The following SLC22A2 variants were observed in gnomAD, a reference collection of about 807,000 sequenced individuals.
The protein encoded by SLC22A2 is solute carrier family 22 member 2, also known as organic cation transporter 2.
SLC22A2 carries 46 observed loss-of-function variants against 60.5 expected under a neutral mutation model. The ratio of observed to expected loss-of-function variants is 0.76; its 90% confidence interval spans 0.60 to 0.97. The LOEUF is 0.97. SLC22A2 is among the 50% of genes least tolerant of loss of function. The pLI is 0.00. For missense variants in SLC22A2, 701 were observed against 706.6 expected (o/e 0.99, Z 0.09); for synonymous variants, 303 against 267.0 (o/e 1.13, Z -1.31).
At chr6:160,232,580 A>AG (rs1042922111) in intron 9 of SLC22A2, among the ~76,000 whole-genome samples, 1 of 151,508 alleles carries the variant, frequency 6.6e-6, no homozygotes, top group African/African-American at 2.4e-5. Context: ...CTTTAAAAAA[A>AG]AAACATTTCT....
chr6:160,243,303 G>A lies in SLC22A2; in HGVS notation c.1279+269C>T, dbSNP rs576166090. 2.0e-5 allele frequency among the ~76,000 whole-genome samples: 3 copies of A among 152,228 alleles called. No individual in the cohort carries two copies. The East Asian group carries it at 5.8e-4, about 29-fold the overall frequency. On this transcript the variant is annotated intron_variant, in intron 7 of 10. Coordinates refer to ENST00000366953, the MANE Select transcript of SLC22A2 (RefSeq NM_003058.4). ...TGGGCCTGCTTTACCCAAGGCCCAT[G>A]CTCTCTGCTCCAGGTCATCTTGATG...
At chr6:160,235,320 A>T (rs1782892995) in intron 9 of SLC22A2, among the ~76,000 whole-genome samples, 1 of 151,224 alleles carries the variant, frequency 6.6e-6, no homozygotes, top group Non-Finnish European at 1.5e-5. Flanking sequence ...TTATGGGGAG[A>T]TCCTCAGCTC....
chr6:160,228,785 C>T (rs992314521), intron 9 of SLC22A2, among the ~76,000 whole-genome samples: 5 of 151,884 alleles, frequency 3.3e-5, no homozygotes, highest in Non-Finnish European at 5.9e-5. Flanking sequence ...GATGACATTA[C>T]CTTGTGAAAT....
At chr6:160,258,281 T>G in intron 1 of SLC22A2, 63 bp downstream of exon 1, 1 of 1,524,274 alleles carries the variant, frequency 6.6e-7, no homozygotes, top group Non-Finnish European at 8.8e-7. Context: ...CTTCCCTGCT[T>G]GCTTCCTTGA....
intron 10 of SLC22A2, 115 bp from the exon 11 acceptor site, chr6:160,217,613 G>C (rs1175054776): frequency 1.6e-6 from 1 of 644,396 alleles, no homozygotes; most frequent in Non-Finnish European, 2.8e-6. Context: ...CTTTGTTCAG[G>C]ATTAGTCTTG....
At chr6:160,220,708 A>G (rs1160510415) in intron 10 of SLC22A2, among the ~76,000 whole-genome samples, 1 of 152,218 alleles carries the variant, frequency 6.6e-6, no homozygotes, top group Admixed American at 6.5e-5. Flanking sequence ...TTAAAACAAC[A>G]TTAATCTTTA....
At position 160,241,527 on chromosome 6, in the gene SLC22A2, A is replaced by T. The variant is rs752565739; in HGVS notation, c.1448T>A (p.Phe483Tyr). ...MCDIGGIITP[F>Y]LVYRLTNIWL... ...GATGTTAGTGAGCCGGTAGACCAGG[A>T]ATGGCGTGATGATGCCACCAATGTC... is the stretch of plus-strand genomic sequence containing the variant. Residue 483 changes from phenylalanine to tyrosine, a missense_variant, in exon 9 of 11, where the codon TTC becomes TAC. Coordinates refer to ENST00000366953, the MANE Select transcript of SLC22A2 (RefSeq NM_003058.4). 2 of 1,613,810 alleles carry T rather than the reference A, an allele frequency of 1.2e-6. No individual in the cohort carries two copies. The highest frequency in any genetic ancestry group is 2.2e-5 in the South Asian group (2 of 91,056).
rs1025160729 is a variant in SLC22A2, at chr6:160,241,523, C to T, written c.1452G>A (p.Leu484=). The T allele has an allele frequency of 5.0e-6, 8 of 1,613,610 alleles. No individual in the cohort carries two copies. The African/African-American group carries it at 9.3e-5, about 19-fold the overall frequency. Residue 484 remains leucine (L), a synonymous_variant, in exon 9 of 11, where the codon CTG becomes CTA. Transcript: ENST00000366953. ...CDIGGIITPF[L]VYRLTNIWLE... ...GCCAGATGTTAGTGAGCCGGTAGAC[C>T]AGGAATGGCGTGATGATGCCACCAA...
At chr6:160,258,211 G>C in intron 1 of SLC22A2, 133 bp downstream of exon 1, 1 of 1,053,694 alleles carries the variant, frequency 9.5e-7, no homozygotes, top group South Asian at 1.6e-5. Context: ...TGGAAACTAG[G>C]ATTTTGTAAG....
chr6:160,218,877 A>AGT (rs1782588999), intron 10 of SLC22A2, among the ~76,000 whole-genome samples: 1 of 1,708 alleles, frequency 5.9e-4, no homozygotes, highest in Non-Finnish European at 1.1e-3. Context: ...GAAATAGCAA[A>AGT]ATCAGCAGTA....
chr6:160,225,077 T>A lies in SLC22A2; in HGVS notation c.1502-273A>T, dbSNP rs114340249. The stretch of plus-strand genomic sequence containing the variant: ...AGAGGACATTGCCACCATATTAAGA[T>A]ACTTTGGAGTTAGAAAATAACTCTG... On this transcript the variant is annotated intron_variant, in intron 9 of 10. Transcript: ENST00000366953. 4.3e-3 allele frequency among the ~76,000 whole-genome samples: 656 copies of A among 152,280 alleles called. 2 individuals carry two copies. The highest frequency in any genetic ancestry group is 0.015 in the African/African-American group (610 of 41,568).
chr6:160,232,086 C>T (rs1374431875), intron 9 of SLC22A2, among the ~76,000 whole-genome samples: 1 of 151,900 alleles, frequency 6.6e-6, no homozygotes, highest in Non-Finnish European at 1.5e-5. Context: ...AATCTATTTT[C>T]TTCCTCTCAC....
At chr6:160,219,179 A>AAAG (rs1782602933) in intron 10 of SLC22A2, among the ~76,000 whole-genome samples, 2 of 7,232 alleles carry the variant, frequency 2.8e-4, no homozygotes, top group Non-Finnish European at 3.9e-4. Flanking sequence ...ATCAGCAACA[A>AAAG]CAGCAGCAAC....
chr6:160,241,918 C>A (rs1783010636), intron 8 of SLC22A2, among the ~76,000 whole-genome samples: 1 of 144,306 alleles, frequency 6.9e-6, no homozygotes, highest in African/African-American at 2.5e-5. Flanking sequence ...CATATTCTGT[C>A]ATTCTTGTTT....
intron 1 of SLC22A2, 66 bp from the exon 2 acceptor site, chr6:160,256,783 T>C: frequency 9.2e-7 from 1 of 1,087,662 alleles, no homozygotes; most frequent in Non-Finnish European, 1.4e-6. Flanking sequence ...TAGAATCCTG[T>C]TGGACATAAC....
At position 160,242,360 on chromosome 6, in the gene SLC22A2, A is replaced by C; in HGVS notation, c.1322T>G (p.Met441Arg). The C allele has an allele frequency of 1.2e-6, 2 of 1,609,938 alleles. No homozygotes were observed. The highest frequency in any genetic ancestry group is 1.3e-5 in the African/African-American group (1 of 74,936). ...LKIIISCLGRMGITMAYEIVC... is the reference protein window; with the variant it reads ...LKIIISCLGRRGITMAYEIVC... ...TATCTCATAGGCCATTGTGATCCCC[A>C]TTCTTCCCAAGCATGAGATAATAAT... The change falls in exon 8 of 11, where the codon ATG becomes AGG. Residue 441 changes from methionine (M) to arginine (R), a missense_variant. Coordinates refer to ENST00000366953, the MANE Select transcript of SLC22A2 (RefSeq NM_003058.4).
At chr6:160,230,455 C>T (rs1413538657) in intron 9 of SLC22A2, among the ~76,000 whole-genome samples, 1 of 151,900 alleles carries the variant, frequency 6.6e-6, no homozygotes, top group Non-Finnish European at 1.5e-5. Flanking sequence ...CAGCCCTAGA[C>T]CCTGAAGGGT....
intron 9 of SLC22A2, among the ~76,000 whole-genome samples, chr6:160,234,454 C>T (rs1254860994): frequency 2.0e-5 from 3 of 152,226 alleles, no homozygotes; most frequent in Non-Finnish European, 4.4e-5. Flanking sequence ...TCCCTGAGCA[C>T]CTCTCCTTCC....
chr6:160,258,465 T>C lies in SLC22A2; in HGVS notation c.293A>G (p.Gln98Arg). Residue 98 changes from glutamine (Q) to arginine (R), a missense_variant, in exon 1 of 11, where the codon CAG becomes CGG. Transcript: ENST00000366953. ...QCRRYEVDWN[Q>R]STFDCVDPLA... The stretch of plus-strand genomic sequence containing the variant: ...GGGGTCCACGCAGTCGAAGGTGCTC[T>C]GGTTCCAGTCCACCTCGTAGCGCCT... 1 of 1,614,160 alleles carries C rather than the reference T, an allele frequency of 6.2e-7. No homozygotes were observed. Among genetic ancestry groups the C allele is most frequent in the Non-Finnish European group, 8.5e-7 (1 of 1,180,016 alleles).
Sources: allele counts gnomAD v4.1 joint callset (sites outside exome capture counted in the v4.1 genomes callset), GRCh38; gene constraint gnomAD v4.1.1; transcripts MANE v1.5; gene names NCBI Gene and HGNC (gene_info 2026-07-23, HGNC 2026-07-21).